NEXMIF: variants seen among roughly 807,000 people sequenced by gnomAD.
NEXMIF encodes XLMR protein related to neurite extension.
A neutral mutation model predicts 62.1 loss-of-function variants in NEXMIF; 8 were observed. That is an observed-to-expected ratio of 0.13 (90% confidence interval 0.08 to 0.23). The LOEUF (loss-of-function observed/expected upper bound fraction) is 0.23, where lower values mean the gene tolerates loss of function less well. Ranked by LOEUF, NEXMIF falls within the 10% of genes least tolerant of loss-of-function variation. NEXMIF has a pLI of 1.00. For missense variants in NEXMIF, 976 were observed against 1,113.3 expected, an observed-to-expected ratio of 0.88 and a Z score of 1.75; for synonymous variants, 404 against 416.6, an observed-to-expected ratio of 0.97 and a Z score of 0.37.
At chrX:74,875,769 A>G (rs1028789806) in intron 1 of NEXMIF, among the ~76,000 whole-genome samples, 1 of 111,732 alleles carries the variant, frequency 8.9e-6, no homozygotes, top group Admixed American at 9.5e-5. Context: ...TAGATTTTCT[A>G]GTTTATTTGT....
At chrX:74,904,955 G>C (rs116603645) in intron 1 of NEXMIF, among the ~76,000 whole-genome samples, 36 of 111,439 alleles carry the variant, frequency 3.2e-4, no homozygotes, top group African/African-American at 1.1e-3. Context: ...CAGCTGCCTA[G>C]AACCTTTGCA....
chrX:74,901,242 G>A (rs1311397223), intron 1 of NEXMIF, among the ~76,000 whole-genome samples: 1 of 112,009 alleles, frequency 8.9e-6, no homozygotes, highest in Non-Finnish European at 1.9e-5. Context: ...AGAGGTAGCT[G>A]CCTGTCTATG....
chrX:74,800,755 T>A (rs759444595), intron 1 of NEXMIF, among the ~76,000 whole-genome samples: 114 of 111,609 alleles, frequency 1.0e-3, no homozygotes, highest in Non-Finnish European at 1.8e-3. Context: ...GTGAAGTTAT[T>A]ACTAAATTTT....
rs2080077309 is a variant in NEXMIF, at chrX:74,733,343, A to G, written c.*6062T>C. ...AATGTAATTTTACATGTTAAATCTA[A>G]TACATTTGGGCTTTTATTTTGCATA... On this transcript the variant is annotated 3_prime_UTR_variant, in exon 4 of 4. Coordinates refer to ENST00000055682, the MANE Select transcript of NEXMIF (RefSeq NM_001008537.3). 1 of 111,955 alleles carries G rather than the reference A, an allele frequency of 8.9e-6. No homozygotes were observed. Among genetic ancestry groups the G allele is most frequent in the Admixed American group, 9.5e-5 (1 of 10,492 alleles). The allele number at this position is 111,955 out of a possible 1,213,427, so 9.2% of individuals were successfully genotyped here.
chrX:74,791,290 T>C (rs139527691), intron 1 of NEXMIF, among the ~76,000 whole-genome samples: 2 of 111,766 alleles, frequency 1.8e-5, no homozygotes, highest in Non-Finnish European at 3.8e-5. Flanking sequence ...TATTGATTTG[T>C]GTATATTGAA....
At chrX:74,795,941 A>C (rs183524701) in intron 1 of NEXMIF, among the ~76,000 whole-genome samples, 1 of 103,716 alleles carries the variant, frequency 9.6e-6, no homozygotes, top group African/African-American at 3.5e-5. Flanking sequence ...GACTGGTTTG[A>C]ATGTACTGGG....
At chrX:74,878,394 C>G (rs1223063369) in intron 1 of NEXMIF, among the ~76,000 whole-genome samples, 1 of 112,359 alleles carries the variant, frequency 8.9e-6, no homozygotes, top group East Asian at 2.8e-4. Context: ...CTCTTCAAAG[C>G]TGTCAGACAG....
intron 1 of NEXMIF, among the ~76,000 whole-genome samples, chrX:74,803,251 T>A (rs924037765): frequency 6.3e-5 from 7 of 111,695 alleles, no homozygotes; most frequent in Non-Finnish European, 1.1e-4. Context: ...AAAGACTACC[T>A]CAAGGCATTT....
chrX:74,877,412 C>T (rs1029790186), intron 1 of NEXMIF, among the ~76,000 whole-genome samples: 1 of 111,507 alleles, frequency 9.0e-6, no homozygotes, highest in African/African-American at 3.3e-5. Context: ...TTCTCTCTGG[C>T]TGCCCTTAGC....
intron 1 of NEXMIF, among the ~76,000 whole-genome samples, chrX:74,901,961 A>C (rs919528722): frequency 5.4e-5 from 6 of 111,492 alleles, no homozygotes; most frequent in African/African-American, 2.0e-4. Context: ...TGGATGAGTC[A>C]GATTTATAGC....
chrX:74,826,637 TTTTTC>T (rs1370581843), intron 1 of NEXMIF, among the ~76,000 whole-genome samples: 10 of 111,716 alleles, frequency 9.0e-5, no homozygotes, highest in African/African-American at 2.9e-4. Flanking sequence ...CCTTTGTCCT[TTTTTC>T]TTTTGTTGTC....
chrX:74,912,526 G>T (rs1173255387), intron 1 of NEXMIF, among the ~76,000 whole-genome samples: 4 of 111,291 alleles, frequency 3.6e-5, no homozygotes, highest in Admixed American at 9.5e-5. Flanking sequence ...TACTAACTCT[G>T]CCCTACTGGA....
intron 1 of NEXMIF, among the ~76,000 whole-genome samples, chrX:74,854,116 T>TACA (rs910777186): frequency 9.0e-6 from 1 of 111,592 alleles, no homozygotes; most frequent in Non-Finnish European, 1.9e-5. Flanking sequence ...TAGACAAGTA[T>TACA]ACAACAACAA....
chrX:74,879,677 G>A (rs748979571), intron 1 of NEXMIF, among the ~76,000 whole-genome samples: 9 of 111,713 alleles, frequency 8.1e-5, no homozygotes, highest in African/African-American at 2.3e-4. Flanking sequence ...AGCTGTTGCC[G>A]AACACTGGTC....
At chrX:74,774,053 A>G (rs1412498759) in intron 1 of NEXMIF, among the ~76,000 whole-genome samples, 1 of 110,959 alleles carries the variant, frequency 9.0e-6, no homozygotes, top group African/African-American at 3.3e-5. Flanking sequence ...AGAACACAAT[A>G]GTGTCTTATC....
intron 1 of NEXMIF, among the ~76,000 whole-genome samples, chrX:74,772,928 A>G (rs1172832777): frequency 8.9e-6 from 1 of 112,028 alleles, no homozygotes; most frequent in African/African-American, 3.2e-5. Flanking sequence ...ACTTTTTAGC[A>G]AGAAAAAAAG....
At chrX:74,789,564 T>G (rs1331180595) in intron 1 of NEXMIF, among the ~76,000 whole-genome samples, 6 of 111,423 alleles carry the variant, frequency 5.4e-5, no homozygotes, top group Non-Finnish European at 9.4e-5. Context: ...ACTTCCACAA[T>G]GGTTGAACTA....
chrX:74,765,588 CTCCTT>C (rs1459117745), intron 1 of NEXMIF, among the ~76,000 whole-genome samples: 1 of 111,484 alleles, frequency 9.0e-6, no homozygotes, highest in African/African-American at 3.3e-5. Flanking sequence ...ATATTTAGTG[CTCCTT>C]TCAAGATCTC....
intron 1 of NEXMIF, among the ~76,000 whole-genome samples, chrX:74,857,272 G>A (rs1282678430): frequency 8.9e-6 from 1 of 112,238 alleles, no homozygotes; most frequent in African/African-American, 3.2e-5. Flanking sequence ...CTCTTCAGGA[G>A]AGGAGAGGGA....
Sources: allele counts gnomAD v4.1 joint callset (sites outside exome capture counted in the v4.1 genomes callset), GRCh38; gene constraint gnomAD v4.1.1; transcripts MANE v1.5; gene names NCBI Gene and HGNC (gene_info 2026-07-23, HGNC 2026-07-21).